AGBL1: variants seen among roughly 807,000 people sequenced by gnomAD.
AGBL1 encodes the protein cytosolic carboxypeptidase 4.
A neutral mutation model predicts 118.9 loss-of-function variants in AGBL1; 130 were observed. That is an observed-to-expected ratio of 1.09 (90% CI 0.95 to 1.26). AGBL1 has a LOEUF of 1.26. Among genes scored for constraint, AGBL1 ranks in the 50% most tolerant of loss-of-function variants. The pLI, the probability that AGBL1 is intolerant of heterozygous loss-of-function variation, is 0.00. For synonymous variants in AGBL1, 555 were observed against 478.9 expected, an observed-to-expected ratio of 1.16 and a Z score of -2.08; for missense variants, 1,584 against 1,298.1, an observed-to-expected ratio of 1.22 and a Z score of -3.38.
chr15:86,271,212 G>A (rs981640384), intron 14 of AGBL1, among the ~76,000 whole-genome samples: 4 of 151,792 alleles, frequency 2.6e-5, no homozygotes, highest in East Asian at 1.9e-4. Context: ...CACCATGCCC[G>A]GCTAATTTTT....
At chr15:86,799,025 C>T (rs748365108) in intron 22 of AGBL1, among the ~76,000 whole-genome samples, 2 of 151,384 alleles carry the variant, frequency 1.3e-5, no homozygotes, top group Non-Finnish European at 2.9e-5. Flanking sequence ...GAATATCCTT[C>T]GTTCAATACC....
At chr15:86,701,953 C>T (rs936461858) in intron 22 of AGBL1, among the ~76,000 whole-genome samples, 7 of 150,218 alleles carry the variant, frequency 4.7e-5, no homozygotes, top group African/African-American at 1.7e-4. Context: ...TATCCCTTCC[C>T]TCCACTCCCC....
chr15:86,790,594 G>C (rs1322284085), intron 22 of AGBL1, among the ~76,000 whole-genome samples: 1 of 152,004 alleles, frequency 6.6e-6, no homozygotes, highest in African/African-American at 2.4e-5. Flanking sequence ...TCTTAGTTTA[G>C]GGTTCCTATG....
At chr15:86,346,343 C>CTTTTCT (rs1013924630) in intron 17 of AGBL1, among the ~76,000 whole-genome samples, 1 of 150,946 alleles carries the variant, frequency 6.6e-6, no homozygotes, top group Non-Finnish European at 1.5e-5. Flanking sequence ...TCTTTCTTTT[C>CTTTTCT]TTTTCTTTTT....
chr15:86,549,509 T>C (rs372986341), intron 20 of AGBL1, among the ~76,000 whole-genome samples: 3 of 151,858 alleles, frequency 2.0e-5, no homozygotes, highest in South Asian at 4.2e-4. Flanking sequence ...TCCAGGAAAG[T>C]AGTTAAAAAT....
chr15:86,293,553 C>A (rs924514590), intron 16 of AGBL1, among the ~76,000 whole-genome samples: 4 of 152,128 alleles, frequency 2.6e-5, no homozygotes, highest in African/African-American at 9.7e-5. Context: ...TGCAGGACGA[C>A]CTCCCCATTT....
intron 22 of AGBL1, among the ~76,000 whole-genome samples, chr15:86,680,944 T>G (rs1375320147): frequency 6.6e-6 from 1 of 152,148 alleles, no homozygotes; most frequent in Non-Finnish European, 1.5e-5. Context: ...CTCTACTACA[T>G]CAAAAATATT....
chr15:86,708,164 G>T (rs928982914), intron 22 of AGBL1, among the ~76,000 whole-genome samples: 1 of 152,014 alleles, frequency 6.6e-6, no homozygotes, highest in Non-Finnish European at 1.5e-5. Flanking sequence ...TCCAAATGTA[G>T]TTACATTAGG....
chr15:86,834,367 T>C (rs769180205), intron 22 of AGBL1, among the ~76,000 whole-genome samples: 92 of 152,252 alleles, frequency 6.0e-4, no homozygotes, highest in Admixed American at 1.3e-3. Flanking sequence ...ATGAATGTCA[T>C]GGTCTCAGAA....
chr15:86,364,034 T>G (rs1380930027), intron 17 of AGBL1, among the ~76,000 whole-genome samples: 1 of 152,206 alleles, frequency 6.6e-6, no homozygotes, highest in African/African-American at 2.4e-5. Flanking sequence ...TATTTTAGTG[T>G]GATGCCTATT....
chr15:86,959,160 G>A (rs1031889547), intron 23 of AGBL1, among the ~76,000 whole-genome samples: 2 of 152,044 alleles, frequency 1.3e-5, no homozygotes, highest in African/African-American at 4.8e-5. Context: ...TGTAGCAATA[G>A]TTTAGTATTT....
intron 22 of AGBL1, among the ~76,000 whole-genome samples, chr15:86,863,994 T>C (rs1039270490): frequency 6.6e-6 from 1 of 152,182 alleles, no homozygotes; most frequent in Non-Finnish European, 1.5e-5. Context: ...ATACAATTAT[T>C]AACAATGACC....
In AGBL1 at chr15:86,768,776, A is replaced by G. The variant is rs1309199640; in HGVS notation, c.3158+94340A>G. On this transcript the variant is annotated intron_variant, in intron 22 of 22. Coordinates refer to ENST00000614907, the MANE Select transcript of AGBL1 (RefSeq NM_001386094.1). ...GTTTATTGTTTACTAATTTTCTGCAATGTAAGTTCCAGCAAATCAGGGGCC... is the reference window on the plus strand; with the variant it reads ...GTTTATTGTTTACTAATTTTCTGCAGTGTAAGTTCCAGCAAATCAGGGGCC... Among the ~76,000 whole-genome samples the G allele has an allele frequency of 2.6e-5, 4 of 151,982 alleles. No individual in the cohort carries two copies. In the East Asian group the frequency reaches 5.8e-4, roughly 22 times the overall value.
chr15:86,734,079 C>T (rs763095802), intron 22 of AGBL1, among the ~76,000 whole-genome samples: 17 of 152,194 alleles, frequency 1.1e-4, no homozygotes, highest in Admixed American at 8.5e-4. Context: ...TGTACTGGAC[C>T]CTGTTCTAGG....
chr15:86,992,291 C>T (rs1049051605), intron 24 of AGBL1, among the ~76,000 whole-genome samples: 5 of 152,142 alleles, frequency 3.3e-5, no homozygotes, highest in Non-Finnish European at 5.9e-5. Flanking sequence ...AAAAACGCCT[C>T]CCACCCGGCC....
intron 18 of AGBL1, among the ~76,000 whole-genome samples, chr15:86,503,458 T>G (rs1341230042): frequency 6.6e-6 from 1 of 151,200 alleles, no homozygotes; most frequent in East Asian, 1.9e-4. Flanking sequence ...TATTGTTTCT[T>G]TTCTTCTGCT....
At chr15:87,011,950 C>A (rs1427788090) in intron 24 of AGBL1, among the ~76,000 whole-genome samples, 1 of 151,798 alleles carries the variant, frequency 6.6e-6, no homozygotes, top group Admixed American at 6.6e-5. Context: ...GTACATATTC[C>A]GTTTACTTTC....
intron 5 of AGBL1, among the ~76,000 whole-genome samples, chr15:86,197,766 A>G (rs2077838365): frequency 6.6e-6 from 1 of 152,202 alleles, no homozygotes; most frequent in African/African-American, 2.4e-5. Context: ...TAATGAGATT[A>G]TATGGGCAGA....
intron 18 of AGBL1, among the ~76,000 whole-genome samples, chr15:86,516,935 C>T (rs1293140386): frequency 6.6e-6 from 1 of 152,120 alleles, no homozygotes; most frequent in East Asian, 1.9e-4. Context: ...CTGAAGTTGT[C>T]CTGGTCGTGT....
Sources: gnomAD v4.1 joint callset for allele counts (sites outside exome capture counted in the v4.1 genomes callset) on GRCh38, gnomAD v4.1.1 for gene constraint, MANE v1.5 for transcripts, NCBI Gene and HGNC (gene_info 2026-07-23, HGNC 2026-07-21) for gene names.